Variants in FAF1 observed in about 807,000 individuals in gnomAD.
FAF1 encodes the protein Fas associated factor 1, also known as FAS-associated factor 1.
A neutral mutation model predicts 92.5 loss-of-function variants in FAF1; 25 were observed. That is an observed-to-expected ratio of 0.27 (90% CI 0.20 to 0.38). The LOEUF (loss-of-function observed/expected upper bound fraction) is 0.38. FAF1 is among the 10% of genes least tolerant of loss of function. The pLI, the probability that FAF1 is intolerant of heterozygous loss-of-function variation, is 1.00. For synonymous variants in FAF1, 234 were observed against 273.2 expected, an observed-to-expected ratio of 0.86 and a Z score of 1.42; for missense variants, 636 against 793.3, an observed-to-expected ratio of 0.80 and a Z score of 2.38.
intron 14 of FAF1, 51 bp downstream of exon 14, chr1:50,539,539 TAA>T (rs1648659027): frequency 7.3e-7 from 1 of 1,367,898 alleles, no homozygotes; most frequent in African/African-American, 1.5e-5. Flanking sequence ...GGAAAAACTA[TAA>T]AGTTATCACA....
intron 1 of FAF1, among the ~76,000 whole-genome samples, chr1:50,889,553 T>C (rs962643725): frequency 3.3e-5 from 5 of 152,246 alleles, no homozygotes; most frequent in Admixed American, 3.3e-4. Flanking sequence ...CCAGAGGTTC[T>C]GGTATGTTGT....
intron 1 of FAF1, among the ~76,000 whole-genome samples, chr1:50,948,984 A>G (rs1645193372): frequency 6.6e-6 from 1 of 152,156 alleles, no homozygotes; most frequent in Admixed American, 6.5e-5. Flanking sequence ...ATTTCAATAT[A>G]AGATTTGGAA....
rs1290064699 is a variant in FAF1, at chr1:50,819,704, C to CGT, written c.115-18028_115-18027insAC. ...GTATATATATATACATATATATATA[C>CGT]ATATATATATACGTATATATATATA... is the stretch of plus-strand genomic sequence containing the variant. On this transcript the variant is annotated intron_variant, in intron 2 of 18. Transcript: ENST00000396153. Among the ~76,000 whole-genome samples the CGT allele has an allele frequency of 2.5e-4, 10 of 39,886 alleles. 1 individual carries two copies. Among genetic ancestry groups the CGT allele is most frequent in the African/African-American group, 6.2e-4 (7 of 11,224 alleles). The allele number at this position is 39,886 out of a possible 152,430, so 26.2% of individuals were successfully genotyped here.
chr1:50,618,339 G>A (rs995712933), intron 8 of FAF1, among the ~76,000 whole-genome samples: 2 of 150,796 alleles, frequency 1.3e-5, no homozygotes, highest in Non-Finnish European at 2.9e-5. Context: ...GGTAATTTTC[G>A]CTAATACTGG....
Position 50,637,042 on chromosome 1 carries a change from G to C in FAF1, c.744+18400C>G, listed in dbSNP as rs971753373. ...TCCTGAACACTCTATTTTACCTATT[G>C]ATTTATGTCTGTCTTTACACAAATA... On this transcript the variant is annotated intron_variant, in intron 8 of 18. Coordinates refer to ENST00000396153, the MANE Select transcript of FAF1 (RefSeq NM_007051.3). 7.9e-5 allele frequency among the ~76,000 whole-genome samples: 12 copies of C among 151,920 alleles called. 1 individual carries two copies. The highest frequency in any genetic ancestry group is 2.9e-4 in the African/African-American group (12 of 41,372).
intron 1 of FAF1, among the ~76,000 whole-genome samples, chr1:50,903,097 T>C (rs1262762460): frequency 6.6e-6 from 1 of 152,146 alleles, no homozygotes; most frequent in East Asian, 1.9e-4. Context: ...TCTCTTGAAA[T>C]GTAGGAACTG....
chr1:50,695,504 A>T (rs1657156964), intron 7 of FAF1, among the ~76,000 whole-genome samples: 1 of 152,212 alleles, frequency 6.6e-6, no homozygotes, highest in African/African-American at 2.4e-5. Flanking sequence ...ATCCTCTGGA[A>T]ATGTGTCATT....
intron 8 of FAF1, among the ~76,000 whole-genome samples, chr1:50,627,872 T>C (rs1040877405): frequency 6.6e-6 from 1 of 152,092 alleles, no homozygotes; most frequent in African/African-American, 2.4e-5. Flanking sequence ...TCAAGAACAG[T>C]GAAGACTGAA....
At chr1:50,577,340 C>T (rs1205263466) in intron 12 of FAF1, among the ~76,000 whole-genome samples, 6 of 152,160 alleles carry the variant, frequency 3.9e-5, no homozygotes, top group African/African-American at 1.4e-4. Flanking sequence ...GTCTGGCCAA[C>T]ATGGTGAAAC....
rs12029579 is a variant in FAF1 at position 50,903,705 on chromosome 1, A to C, written c.46-45708T>G. On this transcript the variant is annotated intron_variant, in intron 1 of 18. Coordinates refer to ENST00000396153, the MANE Select transcript of FAF1 (RefSeq NM_007051.3). ...AACCAACCACATTAGTGATATTGTAATATACATCTGGTGACAAGTCCAATA... is the reference window on the plus strand; with the variant it reads ...AACCAACCACATTAGTGATATTGTACTATACATCTGGTGACAAGTCCAATA... Among the ~76,000 whole-genome samples the C allele has an allele frequency of 2.1e-3, 317 of 152,330 alleles. 9 individuals are homozygous for C. The East Asian group carries it at 0.052, about 25-fold the overall frequency.
intron 15 of FAF1, among the ~76,000 whole-genome samples, chr1:50,519,101 G>C (rs888909898): frequency 6.6e-6 from 1 of 152,068 alleles, no homozygotes; most frequent in African/African-American, 2.4e-5. Context: ...GGAGGCCGAG[G>C]TGCGAGAATC....
intron 2 of FAF1, chr1:50,846,574 G>T (rs1008014751): frequency 1.5e-5 from 8 of 528,700 alleles, no homozygotes; most frequent in South Asian, 1.0e-4. Flanking sequence ...GAGCAATAGT[G>T]AGGAACTTGG....
In FAF1 at chr1:50,567,212, T is replaced by G; in HGVS notation, c.1133A>C (p.Tyr378Ser). 5 of 1,604,466 alleles carry G rather than the reference T, an allele frequency of 3.1e-6. No homozygotes were observed. Among genetic ancestry groups the G allele is most frequent in the Non-Finnish European group, 4.3e-6 (5 of 1,175,030 alleles). Residue 378 changes from tyrosine to serine, a missense_variant, in exon 13 of 19, where the codon TAC becomes TCC. This residue lies in a region of FAF1 where 319 missense variants were observed against 451.0 expected (regional missense o/e 0.71). Transcript: ENST00000396153. Reference sequence around the variant, plus strand: ...TAACACACTTTCATCATGGTGGAGGTAGATAGCAAGAAGCTTTCTCTGAAA... The same window carrying G: ...TAACACACTTTCATCATGGTGGAGGGAGATAGCAAGAAGCTTTCTCTGAAA... The part of the protein sequence containing the change: ...KARDRKLLAI[Y>S]LHHDESVLTN...
intron 4 of FAF1, among the ~76,000 whole-genome samples, chr1:50,760,779 T>C (rs995037355): frequency 3.3e-5 from 5 of 151,848 alleles, no homozygotes; most frequent in Non-Finnish European, 4.4e-5. Flanking sequence ...TTAAAAGAAC[T>C]AGAAAAGCAA....
At chr1:50,836,168 C>CTTTTTTTTTTTTT (rs1644200011) in intron 2 of FAF1, among the ~76,000 whole-genome samples, 3 of 75,538 alleles carry the variant, frequency 4.0e-5, no homozygotes, top group Non-Finnish European at 5.8e-5. Context: ...TTTTTTGTTT[C>CTTTTTTTTTTTTT]TGTTTTTTTT....
chr1:50,672,342 A>AGTTTT (rs894100088), intron 7 of FAF1, among the ~76,000 whole-genome samples: 10 of 151,490 alleles, frequency 6.6e-5, no homozygotes, highest in South Asian at 4.2e-4. Flanking sequence ...CGCCCCAGCC[A>AGTTTT]GTTTTGTTTT....
At chr1:50,686,035 C>T (rs1233199606) in intron 7 of FAF1, among the ~76,000 whole-genome samples, 1 of 152,158 alleles carries the variant, frequency 6.6e-6, no homozygotes, top group Non-Finnish European at 1.5e-5. Flanking sequence ...ACTTTCACTA[C>T]ATTATAGTAA....
At chr1:50,445,067 T>G (rs1449105901) in intron 18 of FAF1, among the ~76,000 whole-genome samples, 3 of 152,202 alleles carry the variant, frequency 2.0e-5, no homozygotes, top group Non-Finnish European at 1.5e-5. Context: ...AGGTAGGTTA[T>G]CTGAGGTAGG....
chr1:50,612,589 C>A, intron 8 of FAF1: 1 of 459,754 alleles, frequency 2.2e-6, no homozygotes, highest in Non-Finnish European at 2.9e-6. Flanking sequence ...CTTTGGATAG[C>A]AAATATAAGA....
Sources: gnomAD v4.1 joint callset for allele counts (sites outside exome capture counted in the v4.1 genomes callset) on GRCh38, gnomAD v4.1.1 for gene constraint, gnomAD v4.1.1 regional missense constraint, MANE v1.5 for transcripts, NCBI Gene and HGNC (gene_info 2026-07-23, HGNC 2026-07-21) for gene names.